CATSPERT: variants seen among roughly 807,000 people sequenced by gnomAD.
The protein encoded by CATSPERT is cation channel sperm-associated targeting subunit tau.
At chr2:201,502,388 A>G in the CATSPERT span, among the ~76,000 whole-genome samples, 20 of 152,094 alleles carry the variant, frequency 1.3e-4, no homozygotes, top group Non-Finnish European at 2.4e-4. Flanking sequence ...CCTGACCAAC[A>G]TGATGAAACC....
At chr2:201,537,031 A>G in the CATSPERT span, among the ~76,000 whole-genome samples, 1 of 151,964 alleles carries the variant, frequency 6.6e-6, no homozygotes, top group African/African-American at 2.4e-5. Flanking sequence ...ATATTATGTA[A>G]ACTCTATGTT....
the CATSPERT span, among the ~76,000 whole-genome samples, chr2:201,488,846 G>C: frequency 6.6e-6 from 1 of 152,206 alleles, no homozygotes; most frequent in Non-Finnish European, 1.5e-5. Context: ...ATTTCTGCCT[G>C]AGTTTGGAGA....
At chr2:201,547,438 A>G in the CATSPERT span, 79 of 897,382 alleles carry the variant, frequency 8.8e-5, no homozygotes, top group South Asian at 1.4e-3. Flanking sequence ...ACTTTTAATT[A>G]TCATAATCCC....
chr2:201,581,643 T>C, the CATSPERT span, among the ~76,000 whole-genome samples: 2 of 142,478 alleles, frequency 1.4e-5, no homozygotes, highest in African/African-American at 5.2e-5. Context: ...AGTATTGCTC[T>C]TGTTGCCCAG....
At chr2:201,553,002 A>G in the CATSPERT span, 1 of 151,912 alleles carries the variant, frequency 6.6e-6, no homozygotes, top group Non-Finnish European at 1.5e-5. Context: ...TCTACTAACT[A>G]ATATATTAAC....
At chr2:201,499,289 T>G in the CATSPERT span, among the ~76,000 whole-genome samples, 1 of 152,166 alleles carries the variant, frequency 6.6e-6, no homozygotes, top group African/African-American at 2.4e-5. Flanking sequence ...CTCAGAGATA[T>G]TCAAGAGGAT....
the CATSPERT span, among the ~76,000 whole-genome samples, chr2:201,588,119 G>T: frequency 6.6e-6 from 1 of 152,036 alleles, no homozygotes; most frequent in Non-Finnish European, 1.5e-5. Flanking sequence ...AAATTGAGCA[G>T]AAGGGACGCC....
the CATSPERT span, among the ~76,000 whole-genome samples, chr2:201,549,386 AGT>A: frequency 1.3e-5 from 2 of 152,016 alleles, no homozygotes; most frequent in Admixed American, 6.6e-5. Context: ...CAAAATGGGA[AGT>A]GTCAGTGGTG....
At chr2:201,598,176 A>G in the CATSPERT span, among the ~76,000 whole-genome samples, 1 of 152,182 alleles carries the variant, frequency 6.6e-6, no homozygotes, top group Non-Finnish European at 1.5e-5. Context: ...ATCATGGCTC[A>G]CTGCAGCCTC....
At chr2:201,494,179 A>G in the CATSPERT span, 2 of 1,533,970 alleles carry the variant, frequency 1.3e-6, no homozygotes, top group Non-Finnish European at 1.7e-6. Context: ...GTTGTCTTCC[A>G]TACTACTTGA....
the CATSPERT span, chr2:201,551,190 T>A: frequency 1.3e-4 from 20 of 152,336 alleles, no homozygotes; most frequent in Admixed American, 4.6e-4. Context: ...AATATTTTTT[T>A]AAAAATGTTT....
At chr2:201,595,281 C>A in the CATSPERT span, among the ~76,000 whole-genome samples, 2 of 151,238 alleles carry the variant, frequency 1.3e-5, no homozygotes, top group Non-Finnish European at 3.0e-5. Context: ...CTCCGCCTCC[C>A]GGGTTCACGC....
At chr2:201,578,441 C>G in the CATSPERT span, among the ~76,000 whole-genome samples, 1 of 152,092 alleles carries the variant, frequency 6.6e-6, no homozygotes, top group Non-Finnish European at 1.5e-5. Flanking sequence ...TTTAAATAGT[C>G]ACACAAATTT....
the CATSPERT span, among the ~76,000 whole-genome samples, chr2:201,544,982 A>C: frequency 2.0e-5 from 3 of 149,202 alleles, no homozygotes; most frequent in East Asian, 6.1e-4. Flanking sequence ...GGGTGACAGA[A>C]CTAGACCCTG....
chr2:201,578,227 G>T, the CATSPERT span, among the ~76,000 whole-genome samples: 12 of 152,168 alleles, frequency 7.9e-5, no homozygotes, highest in East Asian at 2.3e-3. Flanking sequence ...TCTTGAGGGA[G>T]AGGGAGGAGA....
the CATSPERT span, among the ~76,000 whole-genome samples, chr2:201,616,771 CCT>C: frequency 1.3e-5 from 2 of 152,136 alleles, no homozygotes; most frequent in Non-Finnish European, 2.9e-5. Context: ...TCAAATTGTC[CCT>C]GTTTGCAGAT....
chr2:201,534,336 C>G, the CATSPERT span: 1 of 900,220 alleles, frequency 1.1e-6, no homozygotes, highest in Non-Finnish European at 1.3e-6. Context: ...GATAATAAAA[C>G]ATCTTTTTTA....
the CATSPERT span, chr2:201,553,688 A>G: frequency 2.0e-5 from 3 of 152,210 alleles, no homozygotes; most frequent in Non-Finnish European, 4.4e-5. Flanking sequence ...CTGGAAAATA[A>G]TAATTAACCT....
chr2:201,504,799 G>C, the CATSPERT span, among the ~76,000 whole-genome samples: 2 of 152,198 alleles, frequency 1.3e-5, no homozygotes, highest in Non-Finnish European at 2.9e-5. Context: ...TGGGATGCTG[G>C]AGGGAACATA....
Sources: gnomAD v4.1 joint callset for allele counts (sites outside exome capture counted in the v4.1 genomes callset) on GRCh38, gnomAD v4.1.1 for gene constraint, MANE v1.5 for transcripts, NCBI Gene and HGNC (gene_info 2026-07-23, HGNC 2026-07-21) for gene names.